HPS1: variants seen among roughly 807,000 people sequenced by gnomAD.
HPS1 encodes BLOC-3 complex member HPS1.
In HPS1, 59 loss-of-function variants were observed where a neutral mutation model predicts 90.6. The observed-to-expected ratio is 0.65, with a 90% CI of 0.53 to 0.81. The LOEUF (loss-of-function observed/expected upper bound fraction) is 0.81. Among genes scored for constraint, HPS1 ranks in the 30% least tolerant of loss-of-function variants. The probability of loss-of-function intolerance (pLI) is 0.00; values close to 1 mark genes in which losing one functional copy is unlikely to be tolerated. For synonymous variants in HPS1, 388 were observed against 384.4 expected, an observed-to-expected ratio of 1.01 and a Z score of -0.11; for missense variants, 849 against 896.7, an observed-to-expected ratio of 0.95 and a Z score of 0.68.
chr10:98,428,633 G>C (rs1029672556), intron 10 of HPS1, among the ~76,000 whole-genome samples: 1 of 151,186 alleles, frequency 6.6e-6, no homozygotes, highest in African/African-American at 2.4e-5. Context: ...TCCCCAGTAG[G>C]TTTCTCCTCC....
Position 98,435,229 on chromosome 10 carries a change from G to T in HPS1, c.398+43C>A. The T allele has an allele frequency of 6.2e-7, 1 of 1,613,012 alleles. No individual in the cohort carries two copies. The highest frequency in any genetic ancestry group is 1.1e-5 in the South Asian group (1 of 91,002). ...GGCACACGCTGCCTGGCCCAGCGAG[G>T]GTGCTCGGCAAAGGACAGAGGGGAC... On this transcript the variant is annotated intron_variant, in intron 5 of 19. Coordinates refer to ENST00000361490, the MANE Select transcript of HPS1 (RefSeq NM_000195.5). The surrounding 1 kb of genome is among the most constrained non-coding windows in gnomAD (Gnocchi z 4.3).
At chr10:98,414,074 CAT>C (rs941669207), downstream of HPS1, 13 of 151,952 alleles carry the variant, frequency 8.6e-5, no homozygotes, top group Admixed American at 2.0e-4. Context: ...TATATATACA[CAT>C]ATATGTGTGT....
At chr10:98,427,121 A>C in intron 11 of HPS1, 94 bp downstream of exon 11, 1 of 1,046,870 alleles carries the variant, frequency 9.6e-7, no homozygotes, top group Non-Finnish European at 1.4e-6. Context: ...TGGCACGGGT[A>C]GAGTCACCCT....
rs138771756 is a variant in HPS1 at position 98,425,877 on chromosome 10, G to T, written c.1096C>A (p.Pro366Thr). 5.6e-6 allele frequency: 9 copies of T among 1,614,044 alleles called. No individual in the cohort carries two copies. In the African/African-American group the frequency reaches 1.1e-4, roughly 19 times the overall value. ...AGGGGCAGGCAGTACATGGTGTGGG[G>T]CACTAGGGGGCAGTAGCTTTCCTTC... ...NVKESYCPLV[P>T]HTMYCLPLWQ... The change falls in exon 12 of 20, where the codon CCC becomes ACC. Residue 366 changes from proline to threonine, a missense_variant. By Grantham distance (38) the Pro-to-Thr change is conservative. Coordinates refer to ENST00000361490, the MANE Select transcript of HPS1 (RefSeq NM_000195.5).
intron 6 of HPS1, among the ~76,000 whole-genome samples, chr10:98,433,231 C>CAAAAAA (rs35145578): frequency 3.5e-5 from 3 of 85,392 alleles, no homozygotes; most frequent in Non-Finnish European, 2.4e-5. Context: ...GACTCCATCT[C>CAAAAAA]AAAAAAAAAA....
chr10:98,433,093 G>A lies in HPS1; in HGVS notation c.507+890C>T, dbSNP rs1294890538. Among the ~76,000 whole-genome samples the A allele has an allele frequency of 2.0e-4, 30 of 152,032 alleles. 1 individual carries two copies. The highest frequency in any genetic ancestry group is 5.3e-4 in the African/African-American group (22 of 41,378). ...CTAAAAATACAAAAATTAGCCAGGCGTGGTGGCACGTGCCTGTAATCCCAG... is the reference window on the plus strand; with the variant it reads ...CTAAAAATACAAAAATTAGCCAGGCATGGTGGCACGTGCCTGTAATCCCAG... On this transcript the variant is annotated intron_variant, in intron 6 of 19. Transcript: ENST00000361490.
intron 12 of HPS1, 38 bp from the exon 13 acceptor site, chr10:98,425,758 C>A: frequency 6.3e-7 from 1 of 1,598,140 alleles, no homozygotes. Flanking sequence ...AACGGGGCTG[C>A]CCCTGGGGAA....
intron 10 of HPS1, among the ~76,000 whole-genome samples, chr10:98,428,573 C>A (rs1845913339): frequency 6.6e-6 from 1 of 152,156 alleles, no homozygotes; most frequent in African/African-American, 2.4e-5. Context: ...TTCCAATGTG[C>A]CAGGGTTGGG....
At chr10:98,427,099 C>CA (rs1209661982) in intron 11 of HPS1, 116 bp downstream of exon 11, 1 of 827,802 alleles carries the variant, frequency 1.2e-6, no homozygotes, top group Non-Finnish European at 2.0e-6. Context: ...CTGGGGTGGG[C>CA]AGGAGGAGGG....
At chr10:98,424,426 G>T (rs928476373) in intron 13 of HPS1, 52 bp from the exon 14 acceptor site, 1 of 1,505,350 alleles carries the variant, frequency 6.6e-7, no homozygotes, top group Non-Finnish European at 9.2e-7. Flanking sequence ...TTCCAGTGAG[G>T]TCCAGGCCAA....
intron 11 of HPS1, among the ~76,000 whole-genome samples, chr10:98,426,926 T>TAAA (rs138043631): frequency 6.6e-6 from 1 of 150,526 alleles, no homozygotes; most frequent in African/African-American, 2.4e-5. Context: ...CATGCTCACT[T>TAAA]AAAAAAAAAA....
chr10:98,439,024 T>G (rs1003181677), intron 3 of HPS1, among the ~76,000 whole-genome samples: 3 of 152,196 alleles, frequency 2.0e-5, no homozygotes, highest in African/African-American at 7.2e-5. Flanking sequence ...TTTGGTGACC[T>G]ACATGTGGTA....
At chr10:98,427,602 C>T (rs528468553) in intron 10 of HPS1, among the ~76,000 whole-genome samples, 14 of 152,280 alleles carry the variant, frequency 9.2e-5, no homozygotes, top group Admixed American at 8.5e-4. Flanking sequence ...CCCCAATCCC[C>T]TCCTTGTTCT....
At chr10:98,430,753 GC>G in intron 7 of HPS1, 83 bp from the exon 8 acceptor site, 1 of 1,121,160 alleles carries the variant, frequency 8.9e-7, no homozygotes, top group Non-Finnish European at 1.3e-6. Context: ...GTGGAGCCTG[GC>G]CCCTGCCCTC....
At chr10:98,420,251 A>C in intron 17 of HPS1, 93 bp from the exon 18 acceptor site, 1 of 891,868 alleles carries the variant, frequency 1.1e-6, no homozygotes, top group Non-Finnish European at 1.9e-6. Flanking sequence ...ACAGCCGAGA[A>C]GCTCCGTGAG....
At chr10:98,422,293 A>G (rs1844980684) in intron 17 of HPS1, 76 bp downstream of exon 17, 1 of 1,535,544 alleles carries the variant, frequency 6.5e-7, no homozygotes, top group Non-Finnish European at 9.0e-7. Flanking sequence ...AGCCCCAGGC[A>G]TGTGGATCAC....
intron 7 of HPS1, 114 bp downstream of exon 7, chr10:98,431,017 C>A: frequency 9.0e-7 from 1 of 1,110,380 alleles, no homozygotes; most frequent in Admixed American, 2.0e-5. Context: ...AGGTTTCAGG[C>A]TTCATGGAGG....
Position 98,422,360 on chromosome 10 carries a change from A to C in HPS1, c.1743+9T>G. The C allele has an allele frequency of 6.2e-7, 1 of 1,612,850 alleles. No homozygotes were observed. The highest frequency in any genetic ancestry group is 1.1e-5 in the South Asian group (1 of 91,030). ...CCCACCCATCCCCGCCCTGGGTCCA[A>C]ATGGTTACCTTAGTTTTGACAAAGG... is the stretch of plus-strand genomic sequence containing the variant. On this transcript the variant is annotated intron_variant, in intron 17 of 19. Coordinates refer to ENST00000361490, the MANE Select transcript of HPS1 (RefSeq NM_000195.5).
downstream of HPS1, chr10:98,414,318 C>A (rs2136055856): frequency 6.6e-6 from 1 of 152,264 alleles, no homozygotes; most frequent in East Asian, 1.9e-4. Flanking sequence ...AAGGAAGGCA[C>A]TAAGGAAAGA....
Sources: gnomAD v4.1 joint callset for allele counts (sites outside exome capture counted in the v4.1 genomes callset) on GRCh38, gnomAD v4.1.1 for gene constraint, Gnocchi (gnomAD v3.1) non-coding constraint, MANE v1.5 for transcripts, NCBI Gene and HGNC (gene_info 2026-07-23, HGNC 2026-07-21) for gene names.